Variants in SPEG observed in about 807,000 individuals in gnomAD.
SPEG encodes striated muscle preferentially expressed protein kinase.
Under a neutral mutation model 300.4 loss-of-function variants are expected in SPEG, and 114 were observed. That is an observed-to-expected ratio of 0.38 (90% CI 0.33 to 0.44). The LOEUF is 0.44. Among genes scored for constraint, SPEG ranks in the 20% least tolerant of loss-of-function variants. The pLI is 1.00. For missense variants in SPEG, 4,201 were observed against 4,586.2 expected, an observed-to-expected ratio of 0.92 and a Z score of 2.43; for synonymous variants, 1,964 against 2,018.9, an observed-to-expected ratio of 0.97 and a Z score of 0.73.
At position 219,477,863 on chromosome 2, in the gene SPEG, A is replaced by G; in HGVS notation, c.4827-42A>G. 1 of 1,605,530 alleles carries G rather than the reference A, an allele frequency of 6.2e-7. No homozygotes were observed. Among genetic ancestry groups the G allele is most frequent in the South Asian group, 1.1e-5 (1 of 90,652 alleles). Reference sequence around the variant, plus strand: ...AGGGTTGGGAGGGGTGGAGAGGGCCACAGTGATGGCTGATCTCTGACCCCC... The same window carrying G: ...AGGGTTGGGAGGGGTGGAGAGGGCCGCAGTGATGGCTGATCTCTGACCCCC... On this transcript the variant is annotated intron_variant, in intron 21 of 40. Coordinates refer to ENST00000312358, the MANE Select transcript of SPEG (RefSeq NM_005876.5). This position sits in a 1 kb window ranked among gnomAD's most constrained non-coding sequence, Gnocchi z 6.4.
rs1452168139 is a variant in SPEG, at chr2:219,492,658, C to A, written c.9676C>A (p.Leu3226Met). Reference sequence around the variant, plus strand: ...GTTGCAGGACGCCTACCTGATGAAGCTGCGCCGCCAGACGCTCACCTTCAC... The same window carrying A: ...GTTGCAGGACGCCTACCTGATGAAGATGCGCCGCCAGACGCTCACCTTCAC... ...PWLQDAYLMK[L>M]RRQTLTFTTN... The change falls in exon 41 of 41, where the codon CTG (leucine) becomes ATG (methionine). Residue 3226 changes from leucine to methionine, a missense_variant. Transcript: ENST00000312358. 2 of 1,611,072 alleles carry A rather than the reference C, an allele frequency of 1.2e-6. No individual in the cohort carries two copies. Among genetic ancestry groups the A allele is most frequent in the African/African-American group, 2.7e-5 (2 of 74,948 alleles).
At chr2:219,438,547 C>T (rs966156319) in intron 1 of SPEG, among the ~76,000 whole-genome samples, 9 of 152,194 alleles carry the variant, frequency 5.9e-5, no homozygotes, top group Non-Finnish European at 1.2e-4. Context: ...AAATATCAGG[C>T]TCCCACTTGC....
chr2:219,463,491 G>A (rs1690946651), intron 8 of SPEG, among the ~76,000 whole-genome samples: 1 of 124,312 alleles, frequency 8.0e-6, no homozygotes, highest in Admixed American at 1.0e-4. Flanking sequence ...TGGGCTCACT[G>A]CAACCTCCGC....
chr2:219,442,150 C>CG, intron 1 of SPEG: 1 of 1,030,650 alleles, frequency 9.7e-7, no homozygotes, highest in Non-Finnish European at 1.2e-6. Context: ...GGAGGGAGGG[C>CG]GGGTCACCGC....
rs759885611 is a variant in SPEG, at chr2:219,483,517, C to T, written c.6054C>T (p.Ser2018=). 4 of 1,410,012 alleles carry T rather than the reference C, an allele frequency of 2.8e-6. No homozygotes were observed. In the South Asian group the frequency reaches 4.6e-5, roughly 16 times the overall value. 87.3% of individuals were successfully genotyped at this position (1,410,012 alleles called of 1,614,324 possible). Residue 2018 remains serine, a synonymous_variant, in exon 30 of 41, where the codon AGC becomes AGT. Transcript: ENST00000312358. The part of the protein sequence containing the change: ...GELRRGSSAE[S]ALPRAGPREL... ...TCCGCAGGGGCAGCTCGGCTGAGAG[C>T]GCCCTGCCCCGGGCCGGGCCGCGGG...
chr2:219,480,244 T>C lies in SPEG; in HGVS notation c.5342+104T>C. 1 of 1,283,656 alleles carries C rather than the reference T, an allele frequency of 7.8e-7. No individual in the cohort carries two copies. Among genetic ancestry groups the C allele is most frequent in the Non-Finnish European group, 1.1e-6 (1 of 915,224 alleles). 79.5% of individuals were successfully genotyped at this position (1,283,656 alleles called of 1,614,324 possible). A position where few individuals can be genotyped will look rare whatever the true frequency, so the allele number is the denominator to read the frequency against. On this transcript the variant is annotated intron_variant, in intron 25 of 40. Transcript: ENST00000312358. This position sits in a 1 kb window ranked among gnomAD's most constrained non-coding sequence, Gnocchi z 5.3. ...AGATTTACCGAGCCTGAATTCCTCCTGAAGGTGGGCTGGAGGCATTGTTTG... is the reference window on the plus strand; with the variant it reads ...AGATTTACCGAGCCTGAATTCCTCCCGAAGGTGGGCTGGAGGCATTGTTTG...
intron 3 of SPEG, among the ~76,000 whole-genome samples, chr2:219,446,975 C>CTTTTTTTT (rs61280107): frequency 8.2e-6 from 1 of 122,232 alleles, no homozygotes. Flanking sequence ...CATTTAATTC[C>CTTTTTTTT]TTTTTTTTTT....
chr2:219,471,498 T>C (rs879657680), intron 13 of SPEG, among the ~76,000 whole-genome samples: 3 of 151,780 alleles, frequency 2.0e-5, no homozygotes, highest in Non-Finnish European at 4.4e-5. Flanking sequence ...TTTGTTCGAG[T>C]TTTGACATAG....
Position 219,469,062 on chromosome 2 carries a change from C to T in SPEG, c.3491+14C>T. On this transcript the variant is annotated intron_variant, in intron 12 of 40. Transcript: ENST00000312358. ...CTCAGGCCCCAGGTACCACCGGGGC[C>T]CCAAATGATGCTGGGGCTGCCTGTG... 1.2e-6 allele frequency: 2 copies of T among 1,609,822 alleles called. No individual in the cohort carries two copies. Among genetic ancestry groups the T allele is most frequent in the Non-Finnish European group, 1.7e-6 (2 of 1,177,620 alleles).
At chr2:219,466,738 C>T in intron 9 of SPEG, 1 of 1,003,480 alleles carries the variant, frequency 1.0e-6, no homozygotes, top group Non-Finnish European at 1.2e-6. Context: ...CTGGGGTGCT[C>T]TGTCTGGGAA....
In SPEG at chr2:219,445,970, G is replaced by C. The variant is rs150764374; in HGVS notation, c.815+809G>C. Among the ~76,000 whole-genome samples the C allele has an allele frequency of 9.3e-4, 142 of 152,108 alleles. 1 individual carries two copies. In the East Asian group the frequency reaches 0.027, roughly 28 times the overall value. On this transcript the variant is annotated intron_variant, in intron 3 of 40. Transcript: ENST00000312358. The surrounding 1 kb of genome is among the most constrained non-coding windows in gnomAD (Gnocchi z 6.1). ...GGGGCTCGCAGATACAGGAGGGAGT[G>C]CTATAGTGGAAGAGGGGAGTGGCTG...
rs142780167 is a variant in SPEG at position 219,439,022 on chromosome 2, A to C, written c.388+3657A>C. Among the ~76,000 whole-genome samples, 792 of 152,356 alleles carry C rather than the reference A, an allele frequency of 5.2e-3. 4 individuals are homozygous for C. Among genetic ancestry groups the C allele is most frequent in the Non-Finnish European group, 8.2e-3 (555 of 68,036 alleles). ...GTATGGGGAGTGTCAACATGCATGC[A>C]TGCCAAGTGCTGACCAGTGAGCGGA... is the stretch of plus-strand genomic sequence containing the variant. On this transcript the variant is annotated intron_variant, in intron 1 of 40. Coordinates refer to ENST00000312358, the MANE Select transcript of SPEG (RefSeq NM_005876.5). The surrounding 1 kb of genome is among the most constrained non-coding windows in gnomAD (Gnocchi z 4.5).
intron 8 of SPEG, among the ~76,000 whole-genome samples, chr2:219,463,265 A>T (rs1386870821): frequency 6.6e-6 from 1 of 151,976 alleles, no homozygotes; most frequent in Non-Finnish European, 1.5e-5. Context: ...CCCCGAGTTA[A>T]ATGTGGGTCT....
Position 219,477,274 on chromosome 2 carries a change from C to A in SPEG, c.4561-3C>A. On this transcript the variant is annotated splice_polypyrimidine_tract_variant and splice_region_variant and intron_variant, in intron 19 of 40. Transcript: ENST00000312358. This position sits in a 1 kb window ranked among gnomAD's most constrained non-coding sequence, Gnocchi z 6.4. ...AGGCTGAAGGTGAGACCCCACTCTGCAGGACGAGGTGCTGCTGACCGAGAG... is the reference window on the plus strand; with the variant it reads ...AGGCTGAAGGTGAGACCCCACTCTGAAGGACGAGGTGCTGCTGACCGAGAG... 1 of 1,607,774 alleles carries A rather than the reference C, an allele frequency of 6.2e-7. No homozygotes were observed. Among genetic ancestry groups the A allele is most frequent in the Non-Finnish European group, 8.5e-7 (1 of 1,178,222 alleles).
intron 9 of SPEG, chr2:219,465,751 G>T (rs1426962688): frequency 9.9e-6 from 5 of 505,088 alleles, no homozygotes; most frequent in Non-Finnish European, 1.8e-5. Flanking sequence ...CTGACGGTGT[G>T]AGAGGCAGCC....
Position 219,475,543 on chromosome 2 carries a change from G to A in SPEG, c.4448-1327G>A, listed in dbSNP as rs372104002. Among the ~76,000 whole-genome samples the A allele has an allele frequency of 3.6e-3, 555 of 152,244 alleles. 1 individual carries two copies. The highest frequency in any genetic ancestry group is 0.014 in the South Asian group (66 of 4,828). On this transcript the variant is annotated intron_variant, in intron 18 of 40. Transcript: ENST00000312358. ...CTGGCCGTGCTGTGAAGATGGTGGGGGTGCTGGGCGCTCTTTTAAGTGTCT... is the reference window on the plus strand; with the variant it reads ...CTGGCCGTGCTGTGAAGATGGTGGGAGTGCTGGGCGCTCTTTTAAGTGTCT...
At chr2:219,465,979 A>C in intron 9 of SPEG, 1 of 1,245,102 alleles carries the variant, frequency 8.0e-7, no homozygotes, top group Non-Finnish European at 1.2e-6. Context: ...GTGTGTGTGC[A>C]TGTGTGTGTG....
In SPEG at chr2:219,464,615, A is replaced by G; in HGVS notation, c.2881+7A>G. The G allele has an allele frequency of 6.2e-7, 1 of 1,612,210 alleles. No individual in the cohort carries two copies. The highest frequency in any genetic ancestry group is 8.5e-7 in the Non-Finnish European group (1 of 1,178,484). The stretch of plus-strand genomic sequence containing the variant: ...GCCCGCTTGGAGGTCCGAGGTGAGT[A>G]CCTGATTTCTCCATGAATGCCCACC... On this transcript the variant is annotated splice_region_variant and intron_variant, in intron 9 of 40. Transcript: ENST00000312358. The surrounding 1 kb of genome is among the most constrained non-coding windows in gnomAD (Gnocchi z 4.5).
Position 219,448,226 on chromosome 2 carries a change from G to A in SPEG, c.1068G>A (p.Lys356=), listed in dbSNP as rs1689466152. The part of the protein sequence containing the change: ...EDTTTEEKRG[K]KSKSSGPSLA... ...CCACCACCGAAGAGAAGCGAGGGAA[G>A]AAGTCCAAGTCGTCCGGGCCCTCCC... The change falls in exon 4 of 41, where the codon AAG becomes AAA. Residue 356 remains lysine (K), a synonymous_variant. Transcript: ENST00000312358. 2 of 1,612,560 alleles carry A rather than the reference G, an allele frequency of 1.2e-6. No homozygotes were observed. The highest frequency in any genetic ancestry group is 1.3e-5 in the African/African-American group (1 of 75,036).
Sources: gnomAD v4.1 joint callset for allele counts (sites outside exome capture counted in the v4.1 genomes callset) on GRCh38, gnomAD v4.1.1 for gene constraint, Gnocchi (gnomAD v3.1) non-coding constraint, MANE v1.5 for transcripts, NCBI Gene and HGNC (gene_info 2026-07-23, HGNC 2026-07-21) for gene names.